STAG1: variants seen among roughly 807,000 people sequenced by gnomAD.
STAG1 encodes STAG1 cohesin complex component, also known as cohesin subunit SA-1.
STAG1 carries 26 observed loss-of-function variants against 170.9 expected under a neutral mutation model. The observed-to-expected ratio is 0.15, with a 90% CI of 0.11 to 0.21. The LOEUF is 0.21. Ranked by LOEUF, STAG1 falls within the 10% of genes least tolerant of loss-of-function variation. The pLI, the probability that STAG1 is intolerant of heterozygous loss-of-function variation, is 1.00. For synonymous variants in STAG1, 514 were observed against 497.7 expected (o/e 1.03, Z -0.44); for missense variants, 964 against 1,509.5 (o/e 0.64, Z 5.99).
rs914809680 is a variant in STAG1 at position 136,477,272 on chromosome 3, A to C, written c.1026+17T>G. 1.2e-6 allele frequency: 2 copies of C among 1,604,612 alleles called. No individual in the cohort carries two copies. Among genetic ancestry groups the C allele is most frequent in the African/African-American group, 2.7e-5 (2 of 74,556 alleles). On this transcript the variant is annotated intron_variant, in intron 10 of 33. Transcript: ENST00000383202. ...ACAAACATAACTTCCATCAAAGCTT[A>C]GAACAGAGTAACTTACCCTGTCATG...
At chr3:136,741,643 T>C (rs1375921173) in intron 1 of STAG1, among the ~76,000 whole-genome samples, 3 of 152,148 alleles carry the variant, frequency 2.0e-5, no homozygotes, top group Admixed American at 1.3e-4. Context: ...TAATTTTGTA[T>C]TTTTAGTAGA....
At chr3:136,609,387 A>G (rs1263589050) in intron 3 of STAG1, 2 of 148,454 alleles carry the variant, frequency 1.3e-5, no homozygotes, top group Non-Finnish European at 3.0e-5. Context: ...ATTTGTATAT[A>G]AATTTGTATA....
At chr3:136,592,226 G>A (rs1298396496) in intron 4 of STAG1, among the ~76,000 whole-genome samples, 2 of 152,086 alleles carry the variant, frequency 1.3e-5, no homozygotes, top group Admixed American at 6.6e-5. Flanking sequence ...ATTTTGAATT[G>A]TAATTCCCAT....
chr3:136,543,969 C>A (rs1423287060), intron 5 of STAG1, among the ~76,000 whole-genome samples: 1 of 152,126 alleles, frequency 6.6e-6, no homozygotes, highest in Non-Finnish European at 1.5e-5. Flanking sequence ...TTGAGTTCTA[C>A]AGGAAGTCAG....
In STAG1 at chr3:136,425,860, T is replaced by C. The variant is rs565321490; in HGVS notation, c.1651-2816A>G. Among the ~76,000 whole-genome samples, 7 of 151,530 alleles carry C rather than the reference T, an allele frequency of 4.6e-5. No individual in the cohort carries two copies. In the East Asian group the frequency reaches 9.7e-4, roughly 21 times the overall value. On this transcript the variant is annotated intron_variant, in intron 16 of 33. Coordinates refer to ENST00000383202, the MANE Select transcript of STAG1 (RefSeq NM_005862.3). The stretch of plus-strand genomic sequence containing the variant: ...TGAAGGGGCTTATCACTAGTCAAAG[T>C]TGGGATAGCATATACTTTAAAGACT...
At chr3:136,518,746 TG>T (rs1389012043) in intron 7 of STAG1, among the ~76,000 whole-genome samples, 1 of 152,164 alleles carries the variant, frequency 6.6e-6, no homozygotes, top group East Asian at 1.9e-4. Context: ...GTTGTTAATT[TG>T]TTTTTTTGAT....
chr3:136,540,987 G>A (rs148726310), intron 6 of STAG1, among the ~76,000 whole-genome samples: 2,506 of 151,410 alleles, frequency 0.017, 39 homozygotes, highest in Non-Finnish European at 0.027. Context: ...ATTTTCATAC[G>A]TGAAGAGTTT....
intron 1 of STAG1, chr3:136,721,298 A>G (rs930646542): frequency 6.6e-6 from 1 of 152,278 alleles, no homozygotes; most frequent in Non-Finnish European, 1.5e-5. Context: ...TGAAGGCAGT[A>G]TAACAGAATC....
At chr3:136,751,039 A>G (rs1935199673) in intron 1 of STAG1, among the ~76,000 whole-genome samples, 1 of 152,228 alleles carries the variant, frequency 6.6e-6, no homozygotes, top group Non-Finnish European at 1.5e-5. Flanking sequence ...ACTTTGTGCC[A>G]ATTCAGATAC....
chr3:136,414,594 T>C (rs2087719992), intron 21 of STAG1, among the ~76,000 whole-genome samples: 2 of 152,206 alleles, frequency 1.3e-5, no homozygotes, highest in Non-Finnish European at 2.9e-5. Flanking sequence ...TCCAAACTCC[T>C]GTTAATGTTG....
At chr3:136,690,386 G>A (rs993740032) in intron 1 of STAG1, among the ~76,000 whole-genome samples, 6 of 152,092 alleles carry the variant, frequency 3.9e-5, no homozygotes, top group Non-Finnish European at 5.9e-5. Flanking sequence ...ACAGGCCCAC[G>A]CCACCATGCC....
At chr3:136,517,047 A>C (rs1934412766) in intron 7 of STAG1, among the ~76,000 whole-genome samples, 1 of 152,214 alleles carries the variant, frequency 6.6e-6, no homozygotes, top group African/African-American at 2.4e-5. Flanking sequence ...CCTTCCTCAG[A>C]GGAAAAGTCT....
chr3:136,578,279 A>G (rs533142368), intron 4 of STAG1, among the ~76,000 whole-genome samples: 1 of 152,358 alleles, frequency 6.6e-6, no homozygotes, highest in African/African-American at 2.4e-5. Context: ...AATTGTCTAT[A>G]AAGGGCAGTA....
chr3:136,413,474 T>C (rs1269407499), intron 21 of STAG1, among the ~76,000 whole-genome samples: 2 of 151,890 alleles, frequency 1.3e-5, no homozygotes, highest in African/African-American at 4.8e-5. Flanking sequence ...TTATTTTTTT[T>C]TGAGATGGAG....
chr3:136,422,679 C>G (rs1258555217), intron 18 of STAG1, 66 bp from the exon 19 acceptor site: 1 of 1,542,920 alleles, frequency 6.5e-7, no homozygotes, highest in Non-Finnish European at 8.8e-7. Context: ...AAATTAGCAT[C>G]TGTCAAATAA....
rs1937169175 is a variant in STAG1, at chr3:136,568,871, A to G, written c.298-10T>C. 1 of 1,575,780 alleles carries G rather than the reference A, an allele frequency of 6.3e-7. No individual in the cohort carries two copies. Among genetic ancestry groups the G allele is most frequent in the African/African-American group, 1.4e-5 (1 of 73,218 alleles). The stretch of plus-strand genomic sequence containing the variant: ...AGTCATCCACCACGGACTGTGGAAA[A>G]AAAATATAAAAATGAAAACTTCAAA... On this transcript the variant is annotated splice_polypyrimidine_tract_variant and intron_variant, in intron 4 of 33. Coordinates refer to ENST00000383202, the MANE Select transcript of STAG1 (RefSeq NM_005862.3).
rs137917211 is a variant in STAG1 at position 136,421,277 on chromosome 3, T to C, written c.2038-114A>G. On this transcript the variant is annotated intron_variant, in intron 19 of 33. Transcript: ENST00000383202. ...TTATATTAATAGTATATATTCATTG[T>C]AGATCCATAATACAAATAAGCAAAA... 1,293 of 497,048 alleles carry C rather than the reference T, an allele frequency of 2.6e-3. 20 individuals carry two copies. Among genetic ancestry groups the C allele is most frequent in the African/African-American group, 0.024 (1,192 of 49,954 alleles). 30.8% of individuals were successfully genotyped at this position (497,048 alleles called of 1,614,324 possible).
chr3:136,449,460 T>C (rs1019741324), intron 14 of STAG1, among the ~76,000 whole-genome samples: 2 of 150,804 alleles, frequency 1.3e-5, no homozygotes, highest in African/African-American at 2.4e-5. Flanking sequence ...ACTTGGAGGA[T>C]AAAGTATGAG....
chr3:136,437,246 A>G (rs1195412298), intron 15 of STAG1, among the ~76,000 whole-genome samples: 1 of 152,252 alleles, frequency 6.6e-6, no homozygotes, highest in Non-Finnish European at 1.5e-5. Context: ...GTTCAATTCC[A>G]TCAATTTTGT....
Sources: gnomAD v4.1 joint callset for allele counts (sites outside exome capture counted in the v4.1 genomes callset) on GRCh38, gnomAD v4.1.1 for gene constraint, MANE v1.5 for transcripts, NCBI Gene and HGNC (gene_info 2026-07-23, HGNC 2026-07-21) for gene names.